The following ACOT7 variants were observed in gnomAD, a reference collection of about 807,000 sequenced individuals.
The protein encoded by ACOT7 is acyl-CoA thioesterase 7, also known as cytosolic acyl coenzyme A thioester hydrolase.
A neutral mutation model predicts 40.2 loss-of-function variants in ACOT7; 12 were observed. The ratio of observed to expected loss-of-function variants is 0.30; its 90% CI spans 0.19 to 0.48. ACOT7 has a LOEUF of 0.48. Ranked by LOEUF, ACOT7 falls within the 20% of genes least tolerant of loss-of-function variation. ACOT7 has a pLI of 0.99. For synonymous variants in ACOT7, 228 were observed against 219.5 expected, an observed-to-expected ratio of 1.04 and a Z score of -0.34; for missense variants, 395 against 530.8, an observed-to-expected ratio of 0.74 and a Z score of 2.51.
At chr1:6,280,453 G>A (rs951181543) in intron 8 of ACOT7, among the ~76,000 whole-genome samples, 116 of 152,340 alleles carry the variant, frequency 7.6e-4, no homozygotes, top group African/African-American at 2.5e-3. Flanking sequence ...GCTCTCAAAC[G>A]TGGCAGAGCT....
chr1:6,278,543 A>AT lies in ACOT7; in HGVS notation c.1014+2558dup, dbSNP rs373918454. ...CAGAGCAGCACAGAGGCGGAGAGGGATTTTTTTGCGGGTGTGATAATGAGT... is the reference window on the plus strand; with the variant it reads ...CAGAGCAGCACAGAGGCGGAGAGGGATTTTTTTTGCGGGTGTGATAATGAGT... On this transcript the variant is annotated intron_variant, in intron 8 of 8. Transcript: ENST00000361521. This position sits in a 1 kb window ranked among gnomAD's most constrained non-coding sequence, Gnocchi z 4.1. Among the ~76,000 whole-genome samples the AT allele has an allele frequency of 7.3e-4, 111 of 151,974 alleles. No homozygotes were observed. Among genetic ancestry groups the AT allele is most frequent in the African/African-American group, 2.5e-3 (103 of 41,434 alleles).
intron 2 of ACOT7, among the ~76,000 whole-genome samples, chr1:6,347,355 C>G (rs1198373425): frequency 6.6e-6 from 1 of 152,218 alleles, no homozygotes; most frequent in Non-Finnish European, 1.5e-5. Flanking sequence ...GTTCAAAGCA[C>G]AGGTTCGAGG....
In ACOT7 at chr1:6,289,202, C is replaced by T. The variant is rs1353549233; in HGVS notation, c.829+5662G>A. 1.3e-5 allele frequency among the ~76,000 whole-genome samples: 2 copies of T among 152,236 alleles called. No homozygotes were observed. The highest frequency in any genetic ancestry group is 1.9e-4 in the East Asian group (1 of 5,182). The stretch of plus-strand genomic sequence containing the variant: ...GCAACATCTGCCTCTCAGGTTCAAG[C>T]GATTCTCCTACCTCAGCCCCCCGAG... On this transcript the variant is annotated intron_variant, in intron 7 of 8. Transcript: ENST00000361521. This position sits in a 1 kb window ranked among gnomAD's most constrained non-coding sequence, Gnocchi z 4.6.
chr1:6,298,418 A>C (rs932633790), intron 6 of ACOT7, among the ~76,000 whole-genome samples: 1 of 152,172 alleles, frequency 6.6e-6, no homozygotes, highest in African/African-American at 2.4e-5. Context: ...TACAGGTGTG[A>C]GCTACTGCGC....
At chr1:6,357,548 G>C (rs761112) in intron 1 of ACOT7, among the ~76,000 whole-genome samples, 1 of 152,248 alleles carries the variant, frequency 6.6e-6, no homozygotes, top group South Asian at 2.1e-4. Flanking sequence ...ACTGTCCCCA[G>C]TCATAGGGCT....
chr1:6,296,161 C>T (rs1342725651), intron 6 of ACOT7, among the ~76,000 whole-genome samples: 3 of 152,098 alleles, frequency 2.0e-5, no homozygotes, highest in East Asian at 3.9e-4. Context: ...TCCCAAAGTG[C>T]TGGGATTACA....
chr1:6,323,746 A>ATG (rs1177350952), intron 5 of ACOT7, among the ~76,000 whole-genome samples: 3 of 92,556 alleles, frequency 3.2e-5, no homozygotes, highest in Non-Finnish European at 5.9e-5. Context: ...AAATATATAT[A>ATG]TATATATATA....
chr1:6,305,350 GA>G (rs1640110576), intron 6 of ACOT7, among the ~76,000 whole-genome samples: 1 of 148,034 alleles, frequency 6.8e-6, no homozygotes, highest in African/African-American at 2.5e-5. Context: ...TCACCTCCCG[GA>G]AGGGGCGGCT....
At position 6,359,363 on chromosome 1, in the gene ACOT7, T is replaced by C. The variant is rs950694731; in HGVS notation, c.144-9497A>G. 1 of 153,920 alleles carries C rather than the reference T, an allele frequency of 6.5e-6. No homozygotes were observed. Among genetic ancestry groups the C allele is most frequent in the African/African-American group, 2.4e-5 (1 of 41,462 alleles). 9.5% of individuals were successfully genotyped at this position (153,920 alleles called of 1,614,324 possible). ...GCATCCTGCTGATGGAGCTGGCATCTAAAGCCTGTCCCAAGGGCCAGCTCC... is the reference window on the plus strand; with the variant it reads ...GCATCCTGCTGATGGAGCTGGCATCCAAAGCCTGTCCCAAGGGCCAGCTCC... On this transcript the variant is annotated intron_variant, in intron 1 of 8. Transcript: ENST00000361521. This position sits in a 1 kb window ranked among gnomAD's most constrained non-coding sequence, Gnocchi z 4.1.
Position 6,339,596 on chromosome 1 carries a change from A to G in ACOT7, c.262-7T>C, listed in dbSNP as rs761710555. ...GGGCGGCCACACAGCGCTCCTGTGG[A>G]GACAGAGGCAGTTGTCAGCCCAGGT... On this transcript the variant is annotated splice_polypyrimidine_tract_variant and splice_region_variant and intron_variant, in intron 2 of 8. Transcript: ENST00000361521. 1.9e-6 allele frequency: 3 copies of G among 1,610,206 alleles called. No homozygotes were observed. In the Admixed American group the frequency reaches 5.0e-5, roughly 27 times the overall value.
At chr1:6,328,727 A>C (rs969251207) in intron 4 of ACOT7, among the ~76,000 whole-genome samples, 1 of 152,200 alleles carries the variant, frequency 6.6e-6, no homozygotes, top group African/African-American at 2.4e-5. Context: ...TCAGCACAAA[A>C]GCCAAAGCTC....
At chr1:6,281,803 C>T (rs1160379232) in intron 7 of ACOT7, among the ~76,000 whole-genome samples, 2 of 152,216 alleles carry the variant, frequency 1.3e-5, no homozygotes, top group African/African-American at 2.4e-5. Flanking sequence ...CACAGCCATT[C>T]CCACCCTCAG....
At chr1:6,369,564 G>A (rs1642088500) in intron 1 of ACOT7, among the ~76,000 whole-genome samples, 1 of 151,172 alleles carries the variant, frequency 6.6e-6, no homozygotes, top group African/African-American at 2.4e-5. Flanking sequence ...ATGTTGCCAT[G>A]TCCAGCTAAT....
At chr1:6,266,206 G>A (rs1385806207) in intron 8 of ACOT7, among the ~76,000 whole-genome samples, 1 of 152,186 alleles carries the variant, frequency 6.6e-6, no homozygotes, top group African/African-American at 2.4e-5. Flanking sequence ...TTGAGGCTAT[G>A]CAATTTGACC....
intron 8 of ACOT7, among the ~76,000 whole-genome samples, chr1:6,273,301 C>T (rs1254556631): frequency 2.6e-5 from 4 of 152,206 alleles, no homozygotes; most frequent in African/African-American, 7.2e-5. Context: ...CTCTCATCTG[C>T]GCCAACCTCC....
rs956978544 is a variant in ACOT7, at chr1:6,289,468, C to T, written c.829+5396G>A. On this transcript the variant is annotated intron_variant, in intron 7 of 8. Coordinates refer to ENST00000361521, the MANE Select transcript of ACOT7 (RefSeq NM_007274.4). This position sits in a 1 kb window ranked among gnomAD's most constrained non-coding sequence, Gnocchi z 4.6. ...CAGGCTGAGTGCGGCGGCACAATCA[C>T]GGCTCACACTGCAGCCTCTGCCTCC... Among the ~76,000 whole-genome samples the T allele has an allele frequency of 2.0e-5, 3 of 152,116 alleles. No homozygotes were observed. The highest frequency in any genetic ancestry group is 6.5e-5 in the Admixed American group (1 of 15,278).
At chr1:6,334,945 G>A (rs1641058051) in intron 3 of ACOT7, among the ~76,000 whole-genome samples, 1 of 152,204 alleles carries the variant, frequency 6.6e-6, no homozygotes, top group South Asian at 2.1e-4. Context: ...CAGCACTCTG[G>A]GAGGCTGAGG....
chr1:6,305,439 G>A (rs1459717180), intron 6 of ACOT7, among the ~76,000 whole-genome samples: 1 of 151,856 alleles, frequency 6.6e-6, no homozygotes, highest in African/African-American at 2.4e-5. Context: ...GGACGGGGTG[G>A]CTGCCGGGTG....
intron 8 of ACOT7, among the ~76,000 whole-genome samples, chr1:6,280,504 G>A (rs1344289294): frequency 6.6e-6 from 1 of 152,194 alleles, no homozygotes; most frequent in African/African-American, 2.4e-5. Flanking sequence ...CCCTGTGAAC[G>A]AGTGCGTGTG....
Sources: allele counts gnomAD v4.1 joint callset (sites outside exome capture counted in the v4.1 genomes callset), GRCh38; gene constraint gnomAD v4.1.1; non-coding constraint Gnocchi (gnomAD v3.1); transcripts MANE v1.5; gene names NCBI Gene and HGNC (gene_info 2026-07-23, HGNC 2026-07-21).